Variants in PIAS2 observed in about 807,000 individuals in gnomAD.
PIAS2 encodes E3 SUMO-protein ligase PIAS2.
Under a neutral mutation model 69.7 loss-of-function variants are expected in PIAS2, and 19 were observed. The ratio of observed to expected loss-of-function variants is 0.27; its 90% confidence interval spans 0.19 to 0.40. The LOEUF is 0.40. Among genes scored for constraint, PIAS2 ranks in the 10% least tolerant of loss-of-function variants. The pLI is 1.00. For synonymous variants in PIAS2, 261 were observed against 263.2 expected (o/e 0.99, Z 0.08); for missense variants, 624 against 757.0 (o/e 0.82, Z 2.06).
chr18:46,832,848 T>A (rs1599499087), intron 9 of PIAS2, among the ~76,000 whole-genome samples: 1 of 139,108 alleles, frequency 7.2e-6, no homozygotes, highest in Non-Finnish European at 1.5e-5. Context: ...GCCAAGATGG[T>A]GCCATTGCAC....
At chr18:46,893,566 G>GT in intron 1 of PIAS2, 1 of 380,412 alleles carries the variant, frequency 2.6e-6, no homozygotes, top group South Asian at 1.1e-4. Context: ...GTAAGAAAGA[G>GT]ATAAGAGCTT....
chr18:46,864,582 C>A (rs1262887173), intron 2 of PIAS2, among the ~76,000 whole-genome samples: 1 of 152,102 alleles, frequency 6.6e-6, no homozygotes, highest in Non-Finnish European at 1.5e-5. Flanking sequence ...ACCAGCCTGA[C>A]CAACATGGAG....
chr18:46,879,495 T>C (rs2051826106), intron 2 of PIAS2, among the ~76,000 whole-genome samples: 1 of 152,150 alleles, frequency 6.6e-6, no homozygotes, highest in African/African-American at 2.4e-5. Flanking sequence ...GGAAAACAGT[T>C]TAGTGGTTCC....
chr18:46,827,752 G>A (rs545207808), intron 11 of PIAS2: 231 of 459,638 alleles, frequency 5.0e-4, no homozygotes, highest in African/African-American at 3.8e-3. Context: ...TACCTCACAC[G>A]CTCACTTTCC....
intron 1 of PIAS2, among the ~76,000 whole-genome samples, chr18:46,892,955 A>C (rs1029832081): frequency 2.0e-5 from 3 of 152,110 alleles, no homozygotes; most frequent in African/African-American, 7.2e-5. Flanking sequence ...TACACTTACA[A>C]TACATCTAAA....
intron 9 of PIAS2, among the ~76,000 whole-genome samples, chr18:46,830,271 T>A (rs558340688): frequency 6.6e-6 from 1 of 151,574 alleles, no homozygotes; most frequent in South Asian, 2.1e-4. Flanking sequence ...GATAATGGGG[T>A]AGGGGAAGGA....
chr18:46,865,031 T>C (rs914759802), intron 2 of PIAS2, among the ~76,000 whole-genome samples: 7 of 152,182 alleles, frequency 4.6e-5, no homozygotes, highest in Non-Finnish European at 8.8e-5. Context: ...CTAATTTGCA[T>C]ATGAAAGTCT....
chr18:46,813,461 T>A (rs930919877), intron 13 of PIAS2, among the ~76,000 whole-genome samples: 2 of 152,178 alleles, frequency 1.3e-5, no homozygotes, highest in African/African-American at 4.8e-5. Context: ...AATATTTTTA[T>A]GTGAGAAACG....
At chr18:46,883,938 G>A (rs1389661620) in intron 2 of PIAS2, among the ~76,000 whole-genome samples, 1 of 152,194 alleles carries the variant, frequency 6.6e-6, no homozygotes, top group Non-Finnish European at 1.5e-5. Flanking sequence ...AACCTGAGAG[G>A]TAGAGGGTGC....
chr18:46,823,480 T>C (rs2042421756), intron 11 of PIAS2, among the ~76,000 whole-genome samples: 2 of 152,134 alleles, frequency 1.3e-5, no homozygotes, highest in African/African-American at 2.4e-5. Context: ...CTTACATCTA[T>C]AAAAGGAGTC....
chr18:46,844,924 G>T, intron 6 of PIAS2, 85 bp from the exon 7 acceptor site: 1 of 523,262 alleles, frequency 1.9e-6, no homozygotes, highest in Non-Finnish European at 3.2e-6. Flanking sequence ...AAGAAACTCT[G>T]GTTTCTAAAA....
intron 11 of PIAS2, 133 bp from the exon 12 acceptor site, chr18:46,821,205 C>A: frequency 5.3e-6 from 4 of 758,912 alleles, no homozygotes; most frequent in Non-Finnish European, 8.9e-6. Flanking sequence ...ACTCACTACA[C>A]AGCACTCCAC....
chr18:46,906,101 A>G (rs1411650258), intron 1 of PIAS2: 1 of 152,182 alleles, frequency 6.6e-6, no homozygotes, highest in Non-Finnish European at 1.5e-5. Context: ...AATTTTCTCA[A>G]AAGATGCAGA....
intron 1 of PIAS2, among the ~76,000 whole-genome samples, chr18:46,909,534 T>C (rs944644634): frequency 6.6e-6 from 1 of 152,194 alleles, no homozygotes; most frequent in Middle Eastern, 3.2e-3. Flanking sequence ...AGGCGTGAGC[T>C]ACCATGCCCA....
intron 11 of PIAS2, among the ~76,000 whole-genome samples, chr18:46,823,751 C>T (rs753601556): frequency 5.9e-5 from 9 of 152,172 alleles, no homozygotes; most frequent in Non-Finnish European, 1.2e-4. Context: ...CTGAATGTTG[C>T]AACCATTAAT....
At chr18:46,834,569 T>A (rs917664401) in intron 9 of PIAS2, among the ~76,000 whole-genome samples, 5 of 152,220 alleles carry the variant, frequency 3.3e-5, no homozygotes, top group African/African-American at 1.2e-4. Flanking sequence ...AAAATAGCTA[T>A]CTTTTCAATT....
At chr18:46,844,885 TTC>T (rs1422184086) in intron 6 of PIAS2, 46 bp from the exon 7 acceptor site, 3 of 710,638 alleles carry the variant, frequency 4.2e-6, no homozygotes, top group Non-Finnish European at 6.7e-6. Context: ...AGAGATAATA[TTC>T]TCTTTGTTTA....
intron 3 of PIAS2, among the ~76,000 whole-genome samples, chr18:46,860,415 G>C (rs539355223): frequency 6.6e-6 from 1 of 152,264 alleles, no homozygotes; most frequent in African/African-American, 2.4e-5. Flanking sequence ...CCTAATGAGA[G>C]AAACCAGGGC....
At chr18:46,875,572 G>A (rs986926671) in intron 2 of PIAS2, among the ~76,000 whole-genome samples, 9 of 152,190 alleles carry the variant, frequency 5.9e-5, no homozygotes, top group Admixed American at 2.6e-4. Flanking sequence ...CCCAGAGTCC[G>A]GGGAATATAT....
Sources: allele counts gnomAD v4.1 joint callset (sites outside exome capture counted in the v4.1 genomes callset), GRCh38; gene constraint gnomAD v4.1.1; transcripts MANE v1.5; gene names NCBI Gene and HGNC (gene_info 2026-07-23, HGNC 2026-07-21).